Variants in SSBP3 observed in about 807,000 individuals in gnomAD.
SSBP3 encodes single stranded DNA binding protein 3.
SSBP3 carries 5 observed loss-of-function variants against 69.6 expected under a neutral mutation model. The ratio of observed to expected loss-of-function variants is 0.07; its 90% CI spans 0.04 to 0.15. The LOEUF (loss-of-function observed/expected upper bound fraction) is 0.15. SSBP3 is among the 10% of genes least tolerant of loss of function. SSBP3 has a pLI of 1.00. For synonymous variants in SSBP3, 196 were observed against 193.4 expected (o/e 1.01, Z -0.11); for missense variants, 312 against 534.0 (o/e 0.58, Z 4.10).
At chr1:54,318,185 G>C (rs1359586727) in intron 4 of SSBP3, among the ~76,000 whole-genome samples, 1 of 152,160 alleles carries the variant, frequency 6.6e-6, no homozygotes, top group East Asian at 1.9e-4. Context: ...GTGTTCACAT[G>C]ACACCTCCAA....
intron 4 of SSBP3, among the ~76,000 whole-genome samples, chr1:54,394,027 T>C (rs1455186089): frequency 6.6e-6 from 1 of 152,200 alleles, no homozygotes; most frequent in East Asian, 1.9e-4. Flanking sequence ...CCCAAAGTGT[T>C]GGGATTACAG....
chr1:54,410,587 CG>C (rs946192019), upstream of SSBP3, among the ~76,000 whole-genome samples: 2 of 152,224 alleles, frequency 1.3e-5, no homozygotes, highest in Admixed American at 6.5e-5. Flanking sequence ...TCAAAACCTT[CG>C]GGCCGGTCAG....
intron 5 of SSBP3, among the ~76,000 whole-genome samples, chr1:54,270,100 C>T (rs1645167648): frequency 6.6e-6 from 1 of 152,220 alleles, no homozygotes; most frequent in Non-Finnish European, 1.5e-5. Flanking sequence ...ATCTGCCATT[C>T]ATTCTGACCA....
At chr1:54,319,775 G>A (rs1646179929) in intron 4 of SSBP3, among the ~76,000 whole-genome samples, 3 of 152,116 alleles carry the variant, frequency 2.0e-5, no homozygotes, top group Non-Finnish European at 4.4e-5. Flanking sequence ...AAAAAGTCCT[G>A]AAGAAAAAGC....
At chr1:54,320,180 C>T (rs1393212351) in intron 4 of SSBP3, among the ~76,000 whole-genome samples, 2 of 151,992 alleles carry the variant, frequency 1.3e-5, no homozygotes. Flanking sequence ...AAGCACTGAA[C>T]AAAAGTGAAA....
chr1:54,355,417 T>C (rs1213997249), intron 4 of SSBP3, among the ~76,000 whole-genome samples: 1 of 152,212 alleles, frequency 6.6e-6, no homozygotes, highest in Admixed American at 6.5e-5. Context: ...TGGCACAATC[T>C]TGGCTCACTG....
chr1:54,363,133 C>T (rs1312392627), intron 4 of SSBP3, among the ~76,000 whole-genome samples: 1 of 152,194 alleles, frequency 6.6e-6, no homozygotes, highest in Non-Finnish European at 1.5e-5. Context: ...CACTCTAGCA[C>T]AGCCCCTGAA....
At chr1:54,365,727 G>A (rs1647020755) in intron 4 of SSBP3, among the ~76,000 whole-genome samples, 1 of 152,130 alleles carries the variant, frequency 6.6e-6, no homozygotes, top group Admixed American at 6.5e-5. Flanking sequence ...CTTCTCCCTG[G>A]ATCTGCCAAC....
intron 4 of SSBP3, among the ~76,000 whole-genome samples, chr1:54,299,558 C>A (rs1051120169): frequency 1.3e-5 from 2 of 152,078 alleles, no homozygotes; most frequent in Non-Finnish European, 2.9e-5. Flanking sequence ...CACCCCCAAG[C>A]CCACCCTTGT....
At chr1:54,255,077 C>T (rs913036637) in intron 7 of SSBP3, among the ~76,000 whole-genome samples, 1 of 150,194 alleles carries the variant, frequency 6.7e-6, no homozygotes, top group East Asian at 2.0e-4. Flanking sequence ...GTGATCCACC[C>T]GCCTGAGCCT....
chr1:54,277,716 A>T (rs776918516), intron 5 of SSBP3, among the ~76,000 whole-genome samples: 2 of 152,244 alleles, frequency 1.3e-5, no homozygotes, highest in Non-Finnish European at 2.9e-5. Flanking sequence ...TCAGTTCTCT[A>T]TGACCCCTGC....
intron 4 of SSBP3, among the ~76,000 whole-genome samples, chr1:54,316,004 T>C (rs1331974885): frequency 6.6e-6 from 1 of 152,040 alleles, no homozygotes; most frequent in Non-Finnish European, 1.5e-5. Context: ...GATTCAAGGG[T>C]TTTAGCAGGA....
intron 5 of SSBP3, among the ~76,000 whole-genome samples, chr1:54,260,387 T>C (rs1224520041): frequency 6.6e-6 from 1 of 152,196 alleles, no homozygotes; most frequent in African/African-American, 2.4e-5. Flanking sequence ...CCCTCACACC[T>C]GTGTGCCCAG....
intron 4 of SSBP3, among the ~76,000 whole-genome samples, chr1:54,291,460 T>C (rs1284143807): frequency 1.3e-5 from 2 of 148,676 alleles, no homozygotes; most frequent in Non-Finnish European, 3.0e-5. Flanking sequence ...ACCACCGTGG[T>C]CTGCACAGCC....
chr1:54,289,585 G>T (rs988701239), intron 4 of SSBP3, among the ~76,000 whole-genome samples: 1 of 152,180 alleles, frequency 6.6e-6, no homozygotes, highest in East Asian at 1.9e-4. Flanking sequence ...AAGGTGCTCT[G>T]GGCAGGCGCT....
chr1:54,404,861 C>T (rs776068915), exon 2 of SSBP3: 20 of 1,611,764 alleles, frequency 1.2e-5, no homozygotes, highest in Non-Finnish European at 1.7e-5. Context: ...CACTCACCTC[C>T]GATAAGAAGG....
intron 2 of SSBP3, 103 bp downstream of exon 2, chr1:54,404,755 T>C (rs1649572985): frequency 8.0e-7 from 1 of 1,242,396 alleles, no homozygotes. Context: ...GTGATAAAAA[T>C]TCAAAATGGT....
At chr1:54,379,753 C>A (rs1469616171) in intron 4 of SSBP3, among the ~76,000 whole-genome samples, 1 of 152,202 alleles carries the variant, frequency 6.6e-6, no homozygotes, top group East Asian at 1.9e-4. Context: ...CTTGCCCGAG[C>A]CAAAGTCCTG....
At chr1:54,378,929 C>T (rs12029610) in intron 4 of SSBP3, among the ~76,000 whole-genome samples, 16,527 of 152,186 alleles carry the variant, frequency 0.11, 1,047 homozygotes, top group East Asian at 0.28. Context: ...AATGCCCCAC[C>T]GAACATTTTC....
Sources: gnomAD v4.1 joint callset for allele counts (sites outside exome capture counted in the v4.1 genomes callset) on GRCh38, gnomAD v4.1.1 for gene constraint, MANE v1.5 for transcripts, NCBI Gene and HGNC (gene_info 2026-07-23, HGNC 2026-07-21) for gene names.